The following DHX16 variants were observed in gnomAD, a reference collection of about 807,000 sequenced individuals.
DHX16 encodes DEAH-box helicase 16.
DHX16 carries 81 observed loss-of-function variants against 131.2 expected under a neutral mutation model. The ratio of observed to expected loss-of-function variants is 0.62; its 90% confidence interval spans 0.52 to 0.74. DHX16 has a LOEUF of 0.74. Among genes scored for constraint, DHX16 ranks in the 30% least tolerant of loss-of-function variants. The pLI is 0.00. For missense variants in DHX16, 980 were observed against 1,363.1 expected (o/e 0.72, Z 4.43); for synonymous variants, 440 against 520.2 (o/e 0.85, Z 2.10).
intron 7 of DHX16, among the ~76,000 whole-genome samples, chr6:30,663,519 C>T (rs769762018): frequency 4.7e-5 from 7 of 149,590 alleles, no homozygotes; most frequent in Admixed American, 6.7e-5. Context: ...GTTGGGAGTT[C>T]GAGACCAGCC....
At chr6:30,660,950 T>C (rs1327569693) in intron 9 of DHX16, among the ~76,000 whole-genome samples, 1 of 150,788 alleles carries the variant, frequency 6.6e-6, no homozygotes, top group East Asian at 2.0e-4. Flanking sequence ...CAGGCTGGAG[T>C]GTAGTGGCAT....
In DHX16 at chr6:30,655,210, T is replaced by A; in HGVS notation, c.2788A>T (p.Ser930Cys). The part of the protein sequence containing the change: ...GLLERVEVGL[S>C]SCQGDYIRVR... ...CGGATATAGTCCCCCTGGCAGGAAC[T>A]GAGACCAACTTCCACACGTTCCAAG... Residue 930 changes from serine to cysteine, a missense_variant, in exon 18 of 20, where the codon AGT becomes TGT. Physicochemically the swap from Ser to Cys is moderately radical, Grantham distance 112. Around this residue, in one of 3 missense-constraint regions of DHX16, gnomAD observed 214 missense variants for 271.2 expected, o/e 0.79. Coordinates refer to ENST00000376442, the MANE Select transcript of DHX16 (RefSeq NM_003587.5). 1.2e-6 allele frequency: 2 copies of A among 1,614,188 alleles called. No homozygotes were observed. Among genetic ancestry groups the A allele is most frequent in the Non-Finnish European group, 1.7e-6 (2 of 1,180,034 alleles).
Position 30,653,294 on chromosome 6 carries a change from TG to T in DHX16, c.3073del (p.His1025MetfsTer9). ...YYKAKELEDPHAKKMPKKIGK... is the reference protein window; with the variant it reads ...YYKAKELEDPXAKKMPKKIGK... ...TATTTTTTTGGGCATTTTCTTAGCA[TG>T]GGGATCTTCTAGCTCCTTGGCCTTA... On this transcript the variant is annotated frameshift_variant, in exon 20 of 20. Coordinates refer to ENST00000376442, the MANE Select transcript of DHX16 (RefSeq NM_003587.5). LOFTEE classifies it high-confidence loss of function. 6.2e-7 allele frequency: 1 copy of T among 1,613,060 alleles called. No homozygotes were observed. The highest frequency in any genetic ancestry group is 8.5e-7 in the Non-Finnish European group (1 of 1,180,028).
Position 30,670,588 on chromosome 6 carries a change from A to T in DHX16, c.610-122T>A. On this transcript the variant is annotated intron_variant, in intron 3 of 19. Transcript: ENST00000376442. The surrounding 1 kb of genome is among the most constrained non-coding windows in gnomAD (Gnocchi z 4.4). ...CCTAACACAAAAAATGTCCCCTCTC[A>T]GTGAGGAATCTCTCTGATTGCAGGT... 1.6e-6 allele frequency: 2 copies of T among 1,253,090 alleles called. No homozygotes were observed. Among genetic ancestry groups the T allele is most frequent in the Non-Finnish European group, 2.2e-6 (2 of 895,342 alleles). The allele number at this position is 1,253,090 out of a possible 1,614,324, so 77.6% of individuals were successfully genotyped here.
intron 4 of DHX16, among the ~76,000 whole-genome samples, chr6:30,669,299 T>C (rs1458064739): frequency 1.7e-4 from 26 of 151,804 alleles, no homozygotes; most frequent in Non-Finnish European, 7.4e-5. Context: ...TGCAGGCCTG[T>C]AGTCCCAGCT....
intron 17 of DHX16, 37 bp from the exon 18 acceptor site, chr6:30,655,373 A>C: frequency 6.2e-7 from 1 of 1,613,542 alleles, no homozygotes; most frequent in African/African-American, 1.3e-5. Context: ...GAGATAATTA[A>C]GTATACAGCA....
Position 30,656,622 on chromosome 6 carries a change from AT to A in DHX16, c.2285del (p.Asn762MetfsTer9). 6.2e-7 allele frequency: 1 copy of A among 1,614,096 alleles called. No homozygotes were observed. The highest frequency in any genetic ancestry group is 8.5e-7 in the Non-Finnish European group (1 of 1,180,006). On this transcript the variant is annotated frameshift_variant, in exon 14 of 20. Coordinates refer to ENST00000376442, the MANE Select transcript of DHX16 (RefSeq NM_003587.5). LOFTEE classifies it high-confidence loss of function. The surrounding 1 kb of genome is among the most constrained non-coding windows in gnomAD (Gnocchi z 5.1). ...CTAAGCTCTTGAGCAGCAACACGACATTGCCCAAGCTGGTCCTCTGGATCTC... is the reference window on the plus strand; with the variant it reads ...CTAAGCTCTTGAGCAGCAACACGACATGCCCAAGCTGGTCCTCTGGATCTC... ...VPEIQRTSLG[N>X]VVLLLKSLGI...
At chr6:30,655,015 C>T (rs1386356088) in intron 18 of DHX16, 136 bp from the exon 19 acceptor site, 2 of 1,389,662 alleles carry the variant, frequency 1.4e-6, no homozygotes, top group Non-Finnish European at 2.0e-6. Flanking sequence ...CAGGAATGAA[C>T]CTTCAGTGGT....
At position 30,672,974 on chromosome 6, in the gene DHX16, T is replaced by C. The variant is rs1323071884; in HGVS notation, c.-133A>G. 1 of 1,551,882 alleles carries C rather than the reference T, an allele frequency of 6.4e-7. No individual in the cohort carries two copies. Among genetic ancestry groups the C allele is most frequent in the East Asian group, 2.4e-5 (1 of 40,946 alleles). ...CAGCTACCTTGGGACCTCTAGGATC[T>C]TCCGACATCCCAAAGCTGTCTTCCC... On this transcript the variant is annotated 5_prime_UTR_variant, in exon 1 of 20. Transcript: ENST00000376442.
Position 30,670,585 on chromosome 6 carries a change from C to T in DHX16, c.610-119G>A. On this transcript the variant is annotated intron_variant, in intron 3 of 19. Coordinates refer to ENST00000376442, the MANE Select transcript of DHX16 (RefSeq NM_003587.5). This position sits in a 1 kb window ranked among gnomAD's most constrained non-coding sequence, Gnocchi z 4.4. ...CGCCCTAACACAAAAAATGTCCCCT[C>T]TCAGTGAGGAATCTCTCTGATTGCA... is the stretch of plus-strand genomic sequence containing the variant. 7.9e-7 allele frequency: 1 copy of T among 1,259,794 alleles called. No individual in the cohort carries two copies. Among genetic ancestry groups the T allele is most frequent in the Non-Finnish European group, 1.1e-6 (1 of 900,572 alleles). The allele number at this position is 1,259,794 out of a possible 1,614,324, so 78.0% of individuals were successfully genotyped here.
At chr6:30,654,108 G>A in intron 19 of DHX16, among the ~76,000 whole-genome samples, 1 of 65,576 alleles carries the variant, frequency 1.5e-5, no homozygotes, top group African/African-American at 7.4e-5. Context: ...CAACAGCACG[G>A]AACTCTCAAA....
intron 7 of DHX16, among the ~76,000 whole-genome samples, chr6:30,663,330 T>C (rs1385474021): frequency 6.6e-6 from 1 of 152,142 alleles, no homozygotes; most frequent in Non-Finnish European, 1.5e-5. Context: ...GGCTCATGCC[T>C]GTAATCCTAG....
In DHX16 at chr6:30,656,947, C is replaced by T. The variant is rs1162392573; in HGVS notation, c.2148+5G>A. Reference sequence around the variant, plus strand: ...TCCCCCACTCCCATGCATCCCCAGGCTGACCTTGCTGCAGGGTGTGACAGT... The same window carrying T: ...TCCCCCACTCCCATGCATCCCCAGGTTGACCTTGCTGCAGGGTGTGACAGT... On this transcript the variant is annotated splice_donor_5th_base_variant and intron_variant, in intron 13 of 19. Transcript: ENST00000376442. The surrounding 1 kb of genome is among the most constrained non-coding windows in gnomAD (Gnocchi z 5.1). The T allele has an allele frequency of 1.9e-6, 3 of 1,610,540 alleles. No individual in the cohort carries two copies. The highest frequency in any genetic ancestry group is 1.7e-6 in the Non-Finnish European group (2 of 1,178,602).
At chr6:30,660,292 T>G (rs377611514) in intron 9 of DHX16, 50 bp from the exon 10 acceptor site, 10 of 1,427,876 alleles carry the variant, frequency 7.0e-6, no homozygotes, top group African/African-American at 1.4e-5. Flanking sequence ...GGCAATGCAG[T>G]ATCAGACACC....
intron 4 of DHX16, among the ~76,000 whole-genome samples, chr6:30,668,157 C>T (rs1455182864): frequency 2.0e-5 from 3 of 152,164 alleles, no homozygotes; most frequent in Admixed American, 6.5e-5. Context: ...CAGGTACACA[C>T]TGATGTACTT....
intron 1 of DHX16, among the ~76,000 whole-genome samples, chr6:30,671,635 A>G (rs3094094): frequency 0.96 from 145,890 of 152,166 alleles, 69,998 homozygotes; most frequent in Middle Eastern, 1. Flanking sequence ...ATGAGCCACC[A>G]CACCCGGGCA....
chr6:30,668,989 C>CA (rs1027560817), intron 4 of DHX16, among the ~76,000 whole-genome samples: 1 of 152,048 alleles, frequency 6.6e-6, no homozygotes, highest in African/African-American at 2.4e-5. Flanking sequence ...CCTGTAATCC[C>CA]AGCTACTCTG....
In DHX16 at chr6:30,662,057, T is replaced by G. The variant is rs1768567803; in HGVS notation, c.1544+570A>C. 1.4e-5 allele frequency: 8 copies of G among 587,790 alleles called. No individual in the cohort carries two copies. The highest frequency in any genetic ancestry group is 2.1e-5 in the Non-Finnish European group (7 of 325,912). The allele number at this position is 587,790 out of a possible 1,614,324, so 36.4% of individuals were successfully genotyped here. On this transcript the variant is annotated intron_variant, in intron 9 of 19. Coordinates refer to ENST00000376442, the MANE Select transcript of DHX16 (RefSeq NM_003587.5). The surrounding 1 kb of genome is among the most constrained non-coding windows in gnomAD (Gnocchi z 4.7). ...AACACATGTTCAACCAACCCCTGCT[T>G]GGCCATTTCCAGCACTAAGAGCTCA...
chr6:30,659,920 T>C, intron 10 of DHX16, 86 bp from the exon 11 acceptor site: 1 of 1,556,580 alleles, frequency 6.4e-7, no homozygotes, highest in Non-Finnish European at 8.8e-7. Flanking sequence ...ATACACTTTA[T>C]CCTAGTTCCC....
Sources: gnomAD v4.1 joint callset for allele counts (sites outside exome capture counted in the v4.1 genomes callset) on GRCh38, gnomAD v4.1.1 for gene constraint, gnomAD v4.1.1 regional missense constraint, Gnocchi (gnomAD v3.1) non-coding constraint, MANE v1.5 for transcripts, NCBI Gene and HGNC (gene_info 2026-07-23, HGNC 2026-07-21) for gene names.